Variants in PKNOX2 observed in about 807,000 individuals in gnomAD.
PKNOX2 encodes the protein PBX/knotted 1 homeobox 2, also known as homeobox protein PKNOX2.
PKNOX2 carries 14 observed loss-of-function variants against 53.1 expected under a neutral mutation model. The ratio of observed to expected loss-of-function variants is 0.26; its 90% confidence interval spans 0.17 to 0.41. The LOEUF is 0.41. PKNOX2 is among the 10% of genes least tolerant of loss of function. The pLI is 1.00. For synonymous variants in PKNOX2, 257 were observed against 242.8 expected (o/e 1.06, Z -0.54); for missense variants, 496 against 602.8 (o/e 0.82, Z 1.85).
At chr11:125,314,276 C>T (rs934585742) in intron 2 of PKNOX2, among the ~76,000 whole-genome samples, 5 of 152,046 alleles carry the variant, frequency 3.3e-5, no homozygotes, top group African/African-American at 4.8e-5. Context: ...ACCTGCAGTG[C>T]GGTGCCCTCA....
chr11:125,223,291 G>A (rs1591486508), intron 1 of PKNOX2, among the ~76,000 whole-genome samples: 4 of 151,626 alleles, frequency 2.6e-5, no homozygotes, highest in South Asian at 2.1e-4. Context: ...ATGCAATGGC[G>A]CAATCTTGGC....
intron 4 of PKNOX2, among the ~76,000 whole-genome samples, chr11:125,358,141 G>A (rs79800130): frequency 0.013 from 1,974 of 152,198 alleles, 47 homozygotes; most frequent in African/African-American, 0.045. Flanking sequence ...TTCTTCACTC[G>A]ATCACCTGCA....
chr11:125,178,711 A>AG (rs1388173955), intron 1 of PKNOX2, among the ~76,000 whole-genome samples: 3,817 of 132,390 alleles, frequency 0.029, 656 homozygotes, highest in African/African-American at 0.099. Flanking sequence ...AGAAAGAAAG[A>AG]AAGAAAGAGA....
At chr11:125,232,104 A>G (rs191758112) in intron 1 of PKNOX2, among the ~76,000 whole-genome samples, 2 of 152,334 alleles carry the variant, frequency 1.3e-5, no homozygotes, top group African/African-American at 2.4e-5. Context: ...TTCCGCTAAC[A>G]TCTAAAGTTA....
chr11:125,290,783 G>A (rs1336733188), intron 2 of PKNOX2, among the ~76,000 whole-genome samples: 2 of 152,182 alleles, frequency 1.3e-5, no homozygotes, highest in Non-Finnish European at 1.5e-5. Flanking sequence ...TAACTTGAAC[G>A]TAACAAGATG....
chr11:125,410,405 G>A (rs1156590368), intron 8 of PKNOX2, 80 bp downstream of exon 8: 20 of 1,580,332 alleles, frequency 1.3e-5, no homozygotes, highest in Admixed American at 1.7e-5. Flanking sequence ...TTCCAGGGGT[G>A]GGGGTTGTCC....
Position 125,313,584 on chromosome 11 carries a change from G to A in PKNOX2, c.-129-18235G>A, listed in dbSNP as rs11220020. Among the ~76,000 whole-genome samples the A allele has an allele frequency of 7.7e-3, 1,172 of 152,264 alleles. 12 individuals carry two copies. The highest frequency in any genetic ancestry group is 0.014 in the Middle Eastern group (4 of 294). Reference sequence around the variant, plus strand: ...ACTTGAAGATAAAGCTCAAAGGACAGCATCCTGGAAAAGCACATGTACCCA... The same window carrying A: ...ACTTGAAGATAAAGCTCAAAGGACAACATCCTGGAAAAGCACATGTACCCA... On this transcript the variant is annotated intron_variant, in intron 2 of 12. Transcript: ENST00000298282.
intron 2 of PKNOX2, among the ~76,000 whole-genome samples, chr11:125,283,915 C>T (rs780041906): frequency 2.0e-5 from 3 of 152,286 alleles, no homozygotes; most frequent in Non-Finnish European, 4.4e-5. Flanking sequence ...TAAAATGCCT[C>T]ATCTCACACC....
At chr11:125,285,051 C>T (rs543953429) in intron 2 of PKNOX2, among the ~76,000 whole-genome samples, 4 of 152,178 alleles carry the variant, frequency 2.6e-5, no homozygotes, top group East Asian at 1.9e-4. Flanking sequence ...GAAGGGGATC[C>T]GGGCTTCCCT....
intron 3 of PKNOX2, among the ~76,000 whole-genome samples, chr11:125,345,891 A>G (rs1950943153): frequency 6.6e-6 from 1 of 152,182 alleles, no homozygotes; most frequent in African/African-American, 2.4e-5. Flanking sequence ...TAAACAGGTT[A>G]TATTATATAA....
chr11:125,197,907 G>T (rs905484696), intron 1 of PKNOX2, among the ~76,000 whole-genome samples: 2 of 152,218 alleles, frequency 1.3e-5, no homozygotes, highest in Non-Finnish European at 2.9e-5. Flanking sequence ...GCAGCCAGGG[G>T]TTGCAGATTA....
intron 7 of PKNOX2, 165 bp from the exon 8 acceptor site, chr11:125,410,031 C>A: frequency 1.1e-6 from 1 of 914,380 alleles, no homozygotes; most frequent in Non-Finnish European, 1.6e-6. Flanking sequence ...CTTATTCACC[C>A]TTTCTAGGAA....
intron 6 of PKNOX2, among the ~76,000 whole-genome samples, chr11:125,387,149 G>A (rs560471108): frequency 6.6e-6 from 1 of 152,292 alleles, no homozygotes; most frequent in Admixed American, 6.5e-5. Flanking sequence ...GCTCTGCCCT[G>A]TGCTCCGGCT....
At chr11:125,357,775 C>A (rs115323927) in intron 4 of PKNOX2, among the ~76,000 whole-genome samples, 1 of 152,054 alleles carries the variant, frequency 6.6e-6, no homozygotes, top group Non-Finnish European at 1.5e-5. Flanking sequence ...GACTCAATCT[C>A]GTAGAAATTC....
At chr11:125,407,984 G>A (rs997557343) in intron 7 of PKNOX2, among the ~76,000 whole-genome samples, 28 of 152,276 alleles carry the variant, frequency 1.8e-4, no homozygotes, top group Middle Eastern at 6.8e-3. Flanking sequence ...TTCCTCCAGT[G>A]CCCACGCTGC....
At chr11:125,359,606 G>A (rs1204636797) in intron 4 of PKNOX2, among the ~76,000 whole-genome samples, 2 of 152,192 alleles carry the variant, frequency 1.3e-5, no homozygotes, top group African/African-American at 2.4e-5. Context: ...TGTTTACCAA[G>A]TGACCTCAAG....
Position 125,431,470 on chromosome 11 carries a change from G to GCCCCCCCCCCGCCCGCCCCCCCCCCCC in PKNOX2, c.*78_*79insCCCCCCCCCCGCCCGCCCCCCCCCCCC. On this transcript the variant is annotated 3_prime_UTR_variant, in exon 13 of 13. Transcript: ENST00000298282. ...AGGCCTTCAGGGTGGGGGGGAAGGG[G>GCCCCCCCCCCGCCCGCCCCCCCCCCCC]ACATGGGCAGGAAGCACCGAGGGAG... 3.5e-6 allele frequency: 1 copy of GCCCCCCCCCCGCCCGCCCCCCCCCCCC among 282,772 alleles called. No individual in the cohort carries two copies. Among genetic ancestry groups the GCCCCCCCCCCGCCCGCCCCCCCCCCCC allele is most frequent in the Admixed American group, 3.8e-5 (1 of 26,440 alleles). 17.5% of individuals were successfully genotyped at this position (282,772 alleles called of 1,614,324 possible). A position where few individuals can be genotyped will look rare whatever the true frequency, so the allele number is the denominator to read the frequency against.
At chr11:125,305,463 C>A (rs1174770864) in intron 2 of PKNOX2, among the ~76,000 whole-genome samples, 1 of 152,176 alleles carries the variant, frequency 6.6e-6, no homozygotes, top group African/African-American at 2.4e-5. Context: ...CACGCATACA[C>A]CCTCCAGCAC....
intron 2 of PKNOX2, among the ~76,000 whole-genome samples, chr11:125,248,952 G>C (rs989613426): frequency 8.5e-6 from 1 of 117,720 alleles, no homozygotes; most frequent in East Asian, 2.5e-4. Flanking sequence ...GTATATACAT[G>C]TATATATACA....
Sources: gnomAD v4.1 joint callset for allele counts (sites outside exome capture counted in the v4.1 genomes callset) on GRCh38, gnomAD v4.1.1 for gene constraint, MANE v1.5 for transcripts, NCBI Gene and HGNC (gene_info 2026-07-23, HGNC 2026-07-21) for gene names.